Variants in NKAIN2 observed in about 807,000 individuals in gnomAD.
The protein encoded by NKAIN2 is sodium/potassium-transporting ATPase subunit beta-1-interacting protein 2.
In NKAIN2, 14 loss-of-function variants were observed where a neutral mutation model predicts 32.6. The observed-to-expected ratio is 0.43, with a 90% CI of 0.28 to 0.67. The LOEUF is 0.67. NKAIN2 is among the 30% of genes least tolerant of loss of function. NKAIN2 has a pLI of 0.17. For missense variants in NKAIN2, 198 were observed against 258.3 expected (o/e 0.77, Z 1.60); for synonymous variants, 80 against 87.2 (o/e 0.92, Z 0.46).
chr6:124,636,534 G>C (rs1783779927), intron 3 of NKAIN2, among the ~76,000 whole-genome samples: 1 of 151,668 alleles, frequency 6.6e-6, no homozygotes, highest in South Asian at 2.1e-4. Context: ...AAGAGAAAAG[G>C]GGAGAAGACC....
At chr6:124,069,904 C>G (rs1013970746) in intron 1 of NKAIN2, among the ~76,000 whole-genome samples, 1 of 152,176 alleles carries the variant, frequency 6.6e-6, no homozygotes, top group Non-Finnish European at 1.5e-5. Context: ...TAAGCTGTGA[C>G]AAGTCGTGAT....
chr6:124,490,445 A>C, intron 3 of NKAIN2: 1 of 350,288 alleles, frequency 2.9e-6, no homozygotes, highest in South Asian at 2.2e-5. Flanking sequence ...ATTCTTGTTC[A>C]TGGTTCACTG....
intron 4 of NKAIN2, among the ~76,000 whole-genome samples, chr6:124,713,324 T>C (rs1166363973): frequency 6.6e-6 from 1 of 152,168 alleles, no homozygotes; most frequent in Non-Finnish European, 1.5e-5. Context: ...GCAATAAGCA[T>C]GGTTCCTTCC....
Position 124,167,288 on chromosome 6 carries a change from TG to T in NKAIN2, c.55-115714del, listed in dbSNP as rs1248398758. Among the ~76,000 whole-genome samples, 3 of 150,674 alleles carry T rather than the reference TG, an allele frequency of 2.0e-5. No homozygotes were observed. The East Asian group carries it at 5.8e-4, about 29-fold the overall frequency. ...TTATTCTCTTTGAAGCAATTGTGAA[TG>T]GGAGTTCACTCATGATTTGGCTCTC... On this transcript the variant is annotated intron_variant, in intron 1 of 6. Transcript: ENST00000368417.
At chr6:123,898,417 A>T (rs1186359019) in intron 1 of NKAIN2, among the ~76,000 whole-genome samples, 1 of 152,170 alleles carries the variant, frequency 6.6e-6, no homozygotes, top group Non-Finnish European at 1.5e-5. Flanking sequence ...CAAATTATGG[A>T]TGAAAATACA....
intron 3 of NKAIN2, among the ~76,000 whole-genome samples, chr6:124,361,728 G>A (rs999587526): frequency 3.3e-5 from 5 of 152,000 alleles, no homozygotes; most frequent in Non-Finnish European, 7.4e-5. Context: ...AAGCTTTAGG[G>A]AATAAAATTG....
At chr6:124,529,537 G>A (rs1011011654) in intron 3 of NKAIN2, among the ~76,000 whole-genome samples, 6 of 152,068 alleles carry the variant, frequency 3.9e-5, no homozygotes, top group African/African-American at 7.2e-5. Context: ...ATGGTGGTTC[G>A]GTCTCCTCGA....
intron 1 of NKAIN2, among the ~76,000 whole-genome samples, chr6:124,075,011 G>C (rs1470465180): frequency 2.6e-5 from 4 of 152,112 alleles, no homozygotes; most frequent in African/African-American, 7.2e-5. Flanking sequence ...AAGGATGAAC[G>C]TACTTACTAG....
At chr6:124,773,334 TG>T (rs200263998) in intron 4 of NKAIN2, among the ~76,000 whole-genome samples, 1 of 151,662 alleles carries the variant, frequency 6.6e-6, no homozygotes, top group East Asian at 1.9e-4. Context: ...GTGCGAGTGG[TG>T]GGGGGGTCAC....
chr6:124,116,494 T>C (rs1785623796), intron 1 of NKAIN2, among the ~76,000 whole-genome samples: 1 of 152,190 alleles, frequency 6.6e-6, no homozygotes, highest in South Asian at 2.1e-4. Flanking sequence ...TTTAAAAGCA[T>C]CTTGAATTCA....
At chr6:124,566,040 C>T (rs953754827) in intron 3 of NKAIN2, among the ~76,000 whole-genome samples, 2 of 152,142 alleles carry the variant, frequency 1.3e-5, no homozygotes, top group Non-Finnish European at 1.5e-5. Context: ...GGAATGAGGC[C>T]TTTCACATGA....
intron 4 of NKAIN2, among the ~76,000 whole-genome samples, chr6:124,724,075 G>A (rs1281900998): frequency 6.6e-6 from 1 of 152,202 alleles, no homozygotes; most frequent in Non-Finnish European, 1.5e-5. Flanking sequence ...TCAGATGTAA[G>A]TCACTGAACC....
chr6:124,451,871 G>A (rs1776121249), intron 3 of NKAIN2, among the ~76,000 whole-genome samples: 1 of 151,888 alleles, frequency 6.6e-6, no homozygotes, highest in Non-Finnish European at 1.5e-5. Flanking sequence ...TGTGATAAGG[G>A]GATTTCCTAG....
intron 3 of NKAIN2, among the ~76,000 whole-genome samples, chr6:124,441,002 G>A (rs1775663481): frequency 6.6e-6 from 1 of 152,064 alleles, no homozygotes; most frequent in Admixed American, 6.6e-5. Context: ...GATTTCACCT[G>A]TACATTGTCA....
chr6:124,576,878 C>T lies in NKAIN2; in HGVS notation c.274-81308C>T, dbSNP rs1781355196. Reference sequence around the variant, plus strand: ...ACCCAAAGCTATAAAACTGCTAGAACAAAACAGAGAAGAAAACTTCATGAC... The same window carrying T: ...ACCCAAAGCTATAAAACTGCTAGAATAAAACAGAGAAGAAAACTTCATGAC... On this transcript the variant is annotated intron_variant, in intron 3 of 6. Transcript: ENST00000368417. Among the ~76,000 whole-genome samples the T allele has an allele frequency of 2.0e-5, 3 of 152,192 alleles. No homozygotes were observed. In the East Asian group the frequency reaches 5.8e-4, roughly 29 times the overall value.
At chr6:124,470,507 A>T (rs183999994) in intron 3 of NKAIN2, among the ~76,000 whole-genome samples, 1 of 152,150 alleles carries the variant, frequency 6.6e-6, no homozygotes, top group Non-Finnish European at 1.5e-5. Flanking sequence ...AGGTTTTATT[A>T]TGATTATAAT....
At chr6:124,587,154 T>A (rs1781739275) in intron 3 of NKAIN2, among the ~76,000 whole-genome samples, 1 of 152,150 alleles carries the variant, frequency 6.6e-6, no homozygotes, top group South Asian at 2.1e-4. Flanking sequence ...AGATGTAAAT[T>A]ATGCCTTACT....
At chr6:124,252,220 T>C (rs1389189653) in intron 1 of NKAIN2, among the ~76,000 whole-genome samples, 1 of 152,072 alleles carries the variant, frequency 6.6e-6, no homozygotes, top group Non-Finnish European at 1.5e-5. Flanking sequence ...AAATGCCATA[T>C]GCATCATTGA....
intron 3 of NKAIN2, among the ~76,000 whole-genome samples, chr6:124,647,830 A>C (rs138552798): frequency 1.3e-3 from 202 of 152,318 alleles, no homozygotes; most frequent in African/African-American, 4.7e-3. Context: ...CCAAAATATC[A>C]GTCAATTAAT....
Sources: allele counts gnomAD v4.1 joint callset (sites outside exome capture counted in the v4.1 genomes callset), GRCh38; gene constraint gnomAD v4.1.1; transcripts MANE v1.5; gene names NCBI Gene and HGNC (gene_info 2026-07-23, HGNC 2026-07-21).